Variants in GPC6 observed in about 807,000 individuals in gnomAD.
GPC6 encodes glypican-6.
In GPC6, 14 loss-of-function variants were observed where a neutral mutation model predicts 55.2. The observed-to-expected ratio is 0.25, with a 90% CI of 0.17 to 0.40. The LOEUF (loss-of-function observed/expected upper bound fraction) is 0.40, where lower values mean the gene tolerates loss of function less well. Among genes scored for constraint, GPC6 ranks in the 10% least tolerant of loss-of-function variants. The pLI, the probability that GPC6 is intolerant of heterozygous loss-of-function variation, is 1.00. For missense variants in GPC6, 641 were observed against 708.5 expected, an observed-to-expected ratio of 0.90 and a Z score of 1.08; for synonymous variants, 278 against 259.6, an observed-to-expected ratio of 1.07 and a Z score of -0.68.
chr13:94,332,814 T>C (rs1188519488), intron 6 of GPC6, among the ~76,000 whole-genome samples: 1 of 152,240 alleles, frequency 6.6e-6, no homozygotes, highest in Non-Finnish European at 1.5e-5. Context: ...TGAGCGAATT[T>C]GATGTCAGGA....
intron 5 of GPC6, among the ~76,000 whole-genome samples, chr13:94,302,777 G>A (rs925995050): frequency 2.0e-5 from 3 of 152,168 alleles, no homozygotes; most frequent in African/African-American, 7.2e-5. Context: ...CCAAGATGGC[G>A]ACAAGCCTCT....
At chr13:93,433,381 T>C (rs1361868464) in intron 1 of GPC6, among the ~76,000 whole-genome samples, 1 of 152,152 alleles carries the variant, frequency 6.6e-6, no homozygotes, top group Non-Finnish European at 1.5e-5. Context: ...TGGGGCCAAA[T>C]GTTTTCTGGT....
intron 1 of GPC6, among the ~76,000 whole-genome samples, chr13:93,274,166 C>T (rs1045368347): frequency 3.9e-5 from 6 of 152,072 alleles, no homozygotes; most frequent in African/African-American, 1.4e-4. Context: ...ACTTTAAAAG[C>T]GAGTGGTAAA....
At chr13:93,569,082 A>G (rs1860317069) in intron 2 of GPC6, among the ~76,000 whole-genome samples, 1 of 152,186 alleles carries the variant, frequency 6.6e-6, no homozygotes, top group African/African-American at 2.4e-5. Context: ...TTTTTCAAAG[A>G]TCTTAAGGCT....
At chr13:93,363,546 T>C (rs984587711) in intron 1 of GPC6, among the ~76,000 whole-genome samples, 51 of 151,838 alleles carry the variant, frequency 3.4e-4, no homozygotes, top group African/African-American at 1.2e-3. Flanking sequence ...GTTGGACATT[T>C]GGGTTGGTTC....
chr13:93,433,165 A>G, intron 1 of GPC6, among the ~76,000 whole-genome samples: 1 of 152,148 alleles, frequency 6.6e-6, no homozygotes, highest in African/African-American at 2.4e-5. Flanking sequence ...TGAGTGGTGA[A>G]GAGCATATTT....
intron 4 of GPC6, among the ~76,000 whole-genome samples, chr13:94,074,053 A>G (rs1316143416): frequency 1.3e-5 from 2 of 152,202 alleles, no homozygotes; most frequent in Non-Finnish European, 2.9e-5. Flanking sequence ...ATCAGTGTGT[A>G]TTAGAGAACC....
intron 2 of GPC6, among the ~76,000 whole-genome samples, chr13:93,671,614 T>G (rs927643359): frequency 2.6e-5 from 2 of 77,862 alleles, no homozygotes; most frequent in South Asian, 4.2e-4. Context: ...TTTTTAGGGG[T>G]TTTTTTTGGG....
chr13:93,311,595 T>A (rs935541784), intron 1 of GPC6, among the ~76,000 whole-genome samples: 7 of 152,202 alleles, frequency 4.6e-5, no homozygotes, highest in South Asian at 2.1e-4. Flanking sequence ...TTACTGTAGT[T>A]GAACTATGCT....
intron 4 of GPC6, among the ~76,000 whole-genome samples, chr13:94,192,392 T>C (rs1009103022): frequency 6.6e-6 from 1 of 152,008 alleles, no homozygotes; most frequent in Non-Finnish European, 1.5e-5. Context: ...TAGCCCAGAG[T>C]GTGTGGCTCC....
At chr13:93,393,197 G>A (rs563529062) in intron 1 of GPC6, among the ~76,000 whole-genome samples, 2 of 149,856 alleles carry the variant, frequency 1.3e-5, no homozygotes, top group Non-Finnish European at 3.0e-5. Context: ...GGAGTGCAAT[G>A]GTGTGATCTT....
At chr13:93,510,987 G>A (rs9589756) in intron 1 of GPC6, among the ~76,000 whole-genome samples, 1,004 of 18,134 alleles carry the variant, frequency 0.055, 6 homozygotes, top group Non-Finnish European at 0.074. Context: ...ATATATATGT[G>A]TATATATATA....
intron 4 of GPC6, among the ~76,000 whole-genome samples, chr13:94,246,988 G>C (rs1432877772): frequency 1.3e-5 from 2 of 151,974 alleles, no homozygotes; most frequent in Admixed American, 6.6e-5. Flanking sequence ...CAATCCATGA[G>C]CATCGAATAT....
chr13:93,826,785 G>A (rs1002540841), intron 2 of GPC6, among the ~76,000 whole-genome samples: 1 of 152,020 alleles, frequency 6.6e-6, no homozygotes, highest in Non-Finnish European at 1.5e-5. Context: ...TATCCTTAGG[G>A]CACCTCTTGG....
At chr13:93,236,460 G>A (rs2139009147) in intron 1 of GPC6, among the ~76,000 whole-genome samples, 1 of 152,212 alleles carries the variant, frequency 6.6e-6, no homozygotes, top group East Asian at 1.9e-4. Context: ...ACTGGTAATG[G>A]TGTGTGGCCT....
At chr13:93,477,333 G>A (rs1282779509) in intron 1 of GPC6, among the ~76,000 whole-genome samples, 2 of 152,060 alleles carry the variant, frequency 1.3e-5, no homozygotes, top group African/African-American at 4.8e-5. Context: ...CATATAAACT[G>A]TTTTTTCCAT....
chr13:94,125,659 C>G (rs1014844322), intron 4 of GPC6, among the ~76,000 whole-genome samples: 5 of 151,878 alleles, frequency 3.3e-5, no homozygotes, highest in African/African-American at 1.2e-4. Flanking sequence ...CAGGCTGATT[C>G]TGAACACTGA....
intron 4 of GPC6, among the ~76,000 whole-genome samples, chr13:94,102,164 G>A (rs562736074): frequency 2.2e-4 from 34 of 152,028 alleles, no homozygotes; most frequent in African/African-American, 8.0e-4. Flanking sequence ...ATTTATCTTG[G>A]TGCTTCTTAT....
chr13:94,102,256 C>T lies in GPC6; in HGVS notation c.877+74362C>T, dbSNP rs546004878. Among the ~76,000 whole-genome samples, 67 of 152,130 alleles carry T rather than the reference C, an allele frequency of 4.4e-4. 1 individual carries two copies. In the South Asian group the frequency reaches 0.013, roughly 30 times the overall value. ...TCTAGGTAAGCAGCCAGGACTCTCC[C>T]AAAGCTGTGTTTAGGTAGGAAGAAT... is the stretch of plus-strand genomic sequence containing the variant. On this transcript the variant is annotated intron_variant, in intron 4 of 8. Coordinates refer to ENST00000377047, the MANE Select transcript of GPC6 (RefSeq NM_005708.5).
Sources: gnomAD v4.1 joint callset for allele counts (sites outside exome capture counted in the v4.1 genomes callset) on GRCh38, gnomAD v4.1.1 for gene constraint, MANE v1.5 for transcripts, NCBI Gene and HGNC (gene_info 2026-07-23, HGNC 2026-07-21) for gene names.